UBE2E2: variants seen among roughly 807,000 people sequenced by gnomAD.
UBE2E2 encodes ubiquitin-conjugating enzyme E2 E2.
UBE2E2 carries 6 observed loss-of-function variants against 24.7 expected under a neutral mutation model. The observed-to-expected ratio is 0.24, with a 90% CI of 0.13 to 0.48. UBE2E2 has a LOEUF of 0.48. Ranked by LOEUF, UBE2E2 falls within the 20% of genes least tolerant of loss-of-function variation. The pLI, the probability that UBE2E2 is intolerant of heterozygous loss-of-function variation, is 0.99. For missense variants in UBE2E2, 169 were observed against 245.0 expected (o/e 0.69, Z 2.07); for synonymous variants, 104 against 83.6 (o/e 1.24, Z -1.33).
In UBE2E2 at chr3:23,342,515, G is replaced by A. The variant is rs149422034; in HGVS notation, c.227+125203G>A. On this transcript the variant is annotated intron_variant, in intron 3 of 5. Transcript: ENST00000396703. ...ATTTCACTTTAGTCTCTATGAGATT[G>A]TGTGAATTTTTCTGTGGTCGTAGGC... Among the ~76,000 whole-genome samples, 99 of 152,322 alleles carry A rather than the reference G, an allele frequency of 6.5e-4. 5 individuals are homozygous for A. In the East Asian group the frequency reaches 0.016, roughly 24 times the overall value.
intron 3 of UBE2E2, among the ~76,000 whole-genome samples, chr3:23,495,228 A>C (rs182202397): frequency 1.1e-4 from 16 of 152,340 alleles, no homozygotes; most frequent in African/African-American, 3.8e-4. Context: ...CTGACTTCAA[A>C]GAACCAATAA....
intron 3 of UBE2E2, among the ~76,000 whole-genome samples, chr3:23,439,114 G>A (rs1485045108): frequency 6.6e-6 from 1 of 152,168 alleles, no homozygotes; most frequent in African/African-American, 2.4e-5. Context: ...TTATAAATAA[G>A]TTGATTCAAA....
chr3:23,212,100 T>G (rs1422771679), intron 2 of UBE2E2, among the ~76,000 whole-genome samples: 1 of 152,238 alleles, frequency 6.6e-6, no homozygotes, highest in Non-Finnish European at 1.5e-5. Context: ...GCAGTAATTA[T>G]AGAATTAATA....
At chr3:23,409,631 T>G (rs1697452967) in intron 3 of UBE2E2, among the ~76,000 whole-genome samples, 1 of 152,206 alleles carries the variant, frequency 6.6e-6, no homozygotes, top group South Asian at 2.1e-4. Context: ...GAATCTGTAT[T>G]AATTTCCCAG....
intron 3 of UBE2E2, among the ~76,000 whole-genome samples, chr3:23,492,935 G>A (rs1262601770): frequency 6.6e-6 from 1 of 151,856 alleles, no homozygotes; most frequent in Non-Finnish European, 1.5e-5. Flanking sequence ...ATTTCAACCT[G>A]TAATTATTAT....
At chr3:23,333,607 C>A (rs570187633) in intron 3 of UBE2E2, among the ~76,000 whole-genome samples, 2 of 152,132 alleles carry the variant, frequency 1.3e-5, no homozygotes, top group South Asian at 4.1e-4. Context: ...GCTTTCCTAG[C>A]CTTCATTTGT....
chr3:23,537,625 G>A (rs2125489819), intron 5 of UBE2E2, among the ~76,000 whole-genome samples: 1 of 152,188 alleles, frequency 6.6e-6, no homozygotes, highest in Non-Finnish European at 1.5e-5. Flanking sequence ...ATAAAAGCTT[G>A]GGAGAATGTT....
chr3:23,331,274 A>G (rs950896557), intron 3 of UBE2E2, among the ~76,000 whole-genome samples: 4 of 152,202 alleles, frequency 2.6e-5, no homozygotes, highest in Non-Finnish European at 5.9e-5. Context: ...TTAAACAGAT[A>G]TTTGTTCAGT....
chr3:23,439,518 GA>G (rs1003987639), intron 3 of UBE2E2, among the ~76,000 whole-genome samples: 2 of 152,162 alleles, frequency 1.3e-5, no homozygotes, highest in African/African-American at 4.8e-5. Context: ...GAGCCCTGGG[GA>G]TGGCTAGCTG....
At chr3:23,352,742 A>G (rs1489490366) in intron 3 of UBE2E2, among the ~76,000 whole-genome samples, 7 of 152,184 alleles carry the variant, frequency 4.6e-5, no homozygotes, top group Non-Finnish European at 8.8e-5. Flanking sequence ...GCAATAATCA[A>G]TAGCTTACCA....
At chr3:23,255,833 G>A (rs1697707753) in intron 3 of UBE2E2, among the ~76,000 whole-genome samples, 1 of 152,164 alleles carries the variant, frequency 6.6e-6, no homozygotes, top group South Asian at 2.1e-4. Flanking sequence ...GTGCAGTGGT[G>A]CATACCTGTA....
At chr3:23,412,045 G>T (rs1029436357) in intron 3 of UBE2E2, among the ~76,000 whole-genome samples, 3 of 152,052 alleles carry the variant, frequency 2.0e-5, no homozygotes, top group African/African-American at 7.2e-5. Flanking sequence ...TAAGATTCTT[G>T]TGCAAGCAAC....
In UBE2E2 at chr3:23,589,702, T is replaced by A; in HGVS notation, c.509-32T>A. The A allele has an allele frequency of 6.2e-7, 1 of 1,610,618 alleles. No homozygotes were observed. Among genetic ancestry groups the A allele is most frequent in the Non-Finnish European group, 8.5e-7 (1 of 1,177,148 alleles). On this transcript the variant is annotated intron_variant, in intron 5 of 5. Coordinates refer to ENST00000396703, the MANE Select transcript of UBE2E2 (RefSeq NM_152653.4). The surrounding 1 kb of genome is among the most constrained non-coding windows in gnomAD (Gnocchi z 4.1). ...CACTTCTTCCCCCACAGTGCTGGTA[T>A]TTACTGACTCCCAACTCTGCTTTCC... is the stretch of plus-strand genomic sequence containing the variant.
At chr3:23,451,495 A>G (rs1156378504) in intron 3 of UBE2E2, among the ~76,000 whole-genome samples, 2 of 152,170 alleles carry the variant, frequency 1.3e-5, no homozygotes, top group African/African-American at 4.8e-5. Context: ...ATTGATAGCC[A>G]GGAAATTTAG....
chr3:23,538,722 A>G (rs1695321374), intron 5 of UBE2E2, among the ~76,000 whole-genome samples: 1 of 152,128 alleles, frequency 6.6e-6, no homozygotes, highest in Admixed American at 6.5e-5. Flanking sequence ...TGTTTTGTGA[A>G]TTAAAGAAGA....
At chr3:23,232,386 A>G (rs1021130789) in intron 3 of UBE2E2, among the ~76,000 whole-genome samples, 1 of 152,242 alleles carries the variant, frequency 6.6e-6, no homozygotes, top group Non-Finnish European at 1.5e-5. Flanking sequence ...GTCAAGAAAT[A>G]AAAATATTAC....
intron 3 of UBE2E2, among the ~76,000 whole-genome samples, chr3:23,292,668 G>A (rs944448023): frequency 3.3e-5 from 5 of 152,216 alleles, no homozygotes; most frequent in Admixed American, 6.5e-5. Flanking sequence ...GCCTAGTGGT[G>A]AAGAGCTTGA....
At chr3:23,389,237 C>CG (rs1198401986) in intron 3 of UBE2E2, among the ~76,000 whole-genome samples, 2 of 152,136 alleles carry the variant, frequency 1.3e-5, no homozygotes, top group Non-Finnish European at 2.9e-5. Context: ...AGCAATCCTG[C>CG]GGAGCACCAC....
At chr3:23,535,618 C>CTTTTTTTTTTTTTT (rs67901258) in intron 5 of UBE2E2, among the ~76,000 whole-genome samples, 1 of 86,020 alleles carries the variant, frequency 1.2e-5, no homozygotes, top group Admixed American at 1.4e-4. Context: ...ATAGAGCATT[C>CTTTTTTTTTTTTTT]TTTTTTTTTT....
Sources: gnomAD v4.1 joint callset for allele counts (sites outside exome capture counted in the v4.1 genomes callset) on GRCh38, gnomAD v4.1.1 for gene constraint, Gnocchi (gnomAD v3.1) non-coding constraint, MANE v1.5 for transcripts, NCBI Gene and HGNC (gene_info 2026-07-23, HGNC 2026-07-21) for gene names.